Variants in DPYD observed in about 807,000 individuals in gnomAD.
The protein encoded by DPYD is dihydropyrimidine dehydrogenase.
In DPYD, 109 loss-of-function variants were observed where a neutral mutation model predicts 116.2. The observed-to-expected ratio is 0.94, with a 90% CI of 0.80 to 1.10. The LOEUF is 1.10. DPYD is among the 50% of genes least tolerant of loss of function. The pLI is 0.00. For synonymous variants in DPYD, 440 were observed against 432.0 expected (o/e 1.02, Z -0.23); for missense variants, 1,302 against 1,254.5 (o/e 1.04, Z -0.57).
intron 20 of DPYD, among the ~76,000 whole-genome samples, chr1:97,173,115 C>A (rs1258427666): frequency 1.3e-5 from 2 of 151,580 alleles, no homozygotes; most frequent in Non-Finnish European, 1.5e-5. Context: ...CCTCTTTAAC[C>A]TCAGTTTTCA....
At chr1:97,292,059 C>T (rs1666220368) in intron 18 of DPYD, among the ~76,000 whole-genome samples, 1 of 151,940 alleles carries the variant, frequency 6.6e-6, no homozygotes, top group Admixed American at 6.6e-5. Flanking sequence ...ACTAAAGTTG[C>T]ATGTATCAGA....
chr1:97,446,231 T>A (rs1676080697), intron 14 of DPYD, among the ~76,000 whole-genome samples: 1 of 152,164 alleles, frequency 6.6e-6, no homozygotes, highest in Non-Finnish European at 1.5e-5. Context: ...ATAAAAAAAA[T>A]ACATTACTAT....
intron 3 of DPYD, among the ~76,000 whole-genome samples, chr1:97,762,520 C>A (rs552638659): frequency 6.6e-6 from 1 of 152,198 alleles, no homozygotes; most frequent in East Asian, 1.9e-4. Flanking sequence ...TTATTTCCCC[C>A]TGCTTTTCTC....
intron 20 of DPYD, among the ~76,000 whole-genome samples, chr1:97,149,572 CAGTGTCATTAT>C (rs1654871953): frequency 6.6e-6 from 1 of 152,108 alleles, no homozygotes; most frequent in Non-Finnish European, 1.5e-5. Context: ...TGTCTTTCTC[CAGTGTCATTAT>C]CCTAGTTTAT....
chr1:97,589,445 C>T (rs1654363002), intron 10 of DPYD, among the ~76,000 whole-genome samples: 1 of 152,150 alleles, frequency 6.6e-6, no homozygotes, highest in Non-Finnish European at 1.5e-5. Flanking sequence ...TTTTGCTCAG[C>T]ACTTCTCCTT....
At chr1:97,288,756 C>A (rs924373734) in intron 18 of DPYD, among the ~76,000 whole-genome samples, 3 of 149,704 alleles carry the variant, frequency 2.0e-5, no homozygotes, top group African/African-American at 4.9e-5. Flanking sequence ...AATTGACACC[C>A]TAACATCACA....
At chr1:97,828,083 T>C (rs1162223489) in intron 3 of DPYD, 31 bp downstream of exon 3, 6 of 1,597,654 alleles carry the variant, frequency 3.8e-6, no homozygotes, top group South Asian at 1.1e-5. Context: ...TTACCACATC[T>C]GTGACTGTTG....
At position 97,242,122 on chromosome 1, in the gene DPYD, G is replaced by GTATATATATATA. The variant is rs1353473800; in HGVS notation, c.2300-7129_2300-7128insTATATATATATA. On this transcript the variant is annotated intron_variant, in intron 18 of 22. Transcript: ENST00000370192. ...TGTAATTTGCAACGTGTGTGTGCGT[G>GTATATATATATA]TGTATATATATATATATATATATAT... Among the ~76,000 whole-genome samples, 3 of 71,590 alleles carry GTATATATATATA rather than the reference G, an allele frequency of 4.2e-5. 1 individual carries two copies. Among genetic ancestry groups the GTATATATATATA allele is most frequent in the Non-Finnish European group, 8.4e-5 (3 of 35,534 alleles). The allele number at this position is 71,590 out of a possible 152,430, so 47.0% of individuals were successfully genotyped here. A position where few individuals can be genotyped will look rare whatever the true frequency, so the allele number is the denominator to read the frequency against.
In DPYD at chr1:97,654,204, A is replaced by G. The variant is rs566087459; in HGVS notation, c.850+24891T>C. On this transcript the variant is annotated intron_variant, in intron 8 of 22. Coordinates refer to ENST00000370192, the MANE Select transcript of DPYD (RefSeq NM_000110.4). The stretch of plus-strand genomic sequence containing the variant: ...CCTGCTTCCATAACGCATTTGAAAT[A>G]ATCTAATATGATGGATAGATAATTA... 2.6e-5 allele frequency among the ~76,000 whole-genome samples: 4 copies of G among 152,310 alleles called. No individual in the cohort carries two copies. In the East Asian group the frequency reaches 7.7e-4, roughly 29 times the overall value.
At chr1:97,385,872 CA>C (rs1296830717) in intron 14 of DPYD, among the ~76,000 whole-genome samples, 1 of 152,148 alleles carries the variant, frequency 6.6e-6, no homozygotes, top group Non-Finnish European at 1.5e-5. Flanking sequence ...TTAATTTTAA[CA>C]GAGCTATTTT....
At chr1:97,151,675 C>A (rs1304691547) in intron 20 of DPYD, among the ~76,000 whole-genome samples, 5 of 146,820 alleles carry the variant, frequency 3.4e-5, no homozygotes, top group African/African-American at 1.0e-4. Flanking sequence ...AAGTCTGTCT[C>A]AAAAATAAAA....
chr1:97,566,252 C>T (rs2102154064), intron 11 of DPYD, among the ~76,000 whole-genome samples: 1 of 152,286 alleles, frequency 6.6e-6, no homozygotes, highest in South Asian at 2.1e-4. Context: ...GCAAAGTTTG[C>T]ATTTCTCTTT....
At chr1:97,258,074 G>A (rs952704322) in intron 18 of DPYD, among the ~76,000 whole-genome samples, 3 of 152,046 alleles carry the variant, frequency 2.0e-5, no homozygotes, top group African/African-American at 7.2e-5. Context: ...AGATCTGGCT[G>A]GAATGTTAGG....
chr1:97,864,402 T>C (rs1018795442), intron 2 of DPYD, among the ~76,000 whole-genome samples: 1 of 151,886 alleles, frequency 6.6e-6, no homozygotes, highest in South Asian at 2.1e-4. Context: ...CATATTTGAA[T>C]GGTGATTGTT....
rs202228567 is a variant in DPYD, at chr1:97,541,123, C to T, written c.1524+8437G>A. Among the ~76,000 whole-genome samples the T allele has an allele frequency of 5.3e-5, 8 of 152,250 alleles. No homozygotes were observed. The East Asian group carries it at 1.4e-3, about 26-fold the overall frequency. ...AGACACAAAAGATGGCCAAGTAATG[C>T]TGATGCTTTATAACCAGTGGTACCC... On this transcript the variant is annotated intron_variant, in intron 12 of 22. Coordinates refer to ENST00000370192, the MANE Select transcript of DPYD (RefSeq NM_000110.4).
intron 14 of DPYD, 109 bp from the exon 15 acceptor site, chr1:97,382,570 AG>A (rs1193321121): frequency 1.6e-6 from 1 of 616,142 alleles, no homozygotes; most frequent in Non-Finnish European, 2.6e-6. Flanking sequence ...TTATAAAATT[AG>A]TTTTCAAACT....
intron 21 of DPYD, among the ~76,000 whole-genome samples, chr1:97,095,428 T>C (rs2101587647): frequency 6.6e-6 from 1 of 152,186 alleles, no homozygotes. Context: ...GTTATAACTG[T>C]ACATGATACT....
Position 97,828,123 on chromosome 1 carries a change from T to C in DPYD, c.224A>G (p.Glu75Gly). The change falls in exon 3 of 23, where the codon GAA becomes GGA. Residue 75 changes from glutamate (E) to glycine (G), a missense_variant. Transcript: ENST00000370192. ...GGTGACCCAGACTTACCTCATTGCT[T>C]CTCGGAGAGCTCCTCGCTCACCAAG... is the stretch of plus-strand genomic sequence containing the variant. The part of the protein sequence containing the change: ...TTLGERGALR[E>G]AMRCLKCADA... 7.4e-6 allele frequency: 12 copies of C among 1,613,754 alleles called. No individual in the cohort carries two copies. Among genetic ancestry groups the C allele is most frequent in the Non-Finnish European group, 1.0e-5 (12 of 1,179,820 alleles).
chr1:97,152,180 T>A (rs1227186196), intron 20 of DPYD, among the ~76,000 whole-genome samples: 1 of 152,170 alleles, frequency 6.6e-6, no homozygotes, highest in Non-Finnish European at 1.5e-5. Context: ...TAGGAAGCAT[T>A]TCAAACACTA....
Sources: allele counts gnomAD v4.1 joint callset (sites outside exome capture counted in the v4.1 genomes callset), GRCh38; gene constraint gnomAD v4.1.1; transcripts MANE v1.5; gene names NCBI Gene and HGNC (gene_info 2026-07-23, HGNC 2026-07-21).